The following NARS2 variants were observed in gnomAD, a reference collection of about 807,000 sequenced individuals.
NARS2 encodes the protein asparaginyl-tRNA synthetase.
In NARS2, 60 loss-of-function variants were observed where a neutral mutation model predicts 62.9. The ratio of observed to expected loss-of-function variants is 0.95; its 90% CI spans 0.77 to 1.18. The LOEUF is 1.18. Among genes scored for constraint, NARS2 ranks in the 50% most tolerant of loss-of-function variants. The probability of loss-of-function intolerance (pLI) is 0.00; values close to 1 mark genes in which losing one functional copy is unlikely to be tolerated. For synonymous variants in NARS2, 196 were observed against 200.0 expected, an observed-to-expected ratio of 0.98 and a Z score of 0.17; for missense variants, 619 against 576.4, an observed-to-expected ratio of 1.07 and a Z score of -0.76.
intron 7 of NARS2, among the ~76,000 whole-genome samples, chr11:78,491,783 C>T (rs1859829512): frequency 6.6e-6 from 1 of 152,092 alleles, no homozygotes; most frequent in African/African-American, 2.4e-5. Context: ...CACATCTCTG[C>T]CTTAGAGAGT....
At chr11:78,496,861 T>C (rs923576968) in intron 6 of NARS2, among the ~76,000 whole-genome samples, 6 of 152,206 alleles carry the variant, frequency 3.9e-5, no homozygotes, top group African/African-American at 1.4e-4. Context: ...TGCAATAATT[T>C]TGTCTCTAGC....
At chr11:78,512,805 T>C (rs529703688) in intron 6 of NARS2, among the ~76,000 whole-genome samples, 2 of 152,212 alleles carry the variant, frequency 1.3e-5, no homozygotes, top group Non-Finnish European at 2.9e-5. Context: ...TTTTTGTGAA[T>C]ACATATTTAT....
At chr11:78,535,940 T>C (rs1855319216) in intron 5 of NARS2, among the ~76,000 whole-genome samples, 1 of 152,228 alleles carries the variant, frequency 6.6e-6, no homozygotes, top group Admixed American at 6.5e-5. Flanking sequence ...CTTGGTTATT[T>C]TGCATCTCAG....
intron 5 of NARS2, among the ~76,000 whole-genome samples, chr11:78,539,555 A>G (rs1855529099): frequency 2.6e-5 from 4 of 152,242 alleles, no homozygotes; most frequent in Admixed American, 2.6e-4. Context: ...TGCTTCTACA[A>G]ATCTGGAGCT....
chr11:78,572,017 AC>A (rs1435729466), intron 1 of NARS2, among the ~76,000 whole-genome samples: 1 of 151,846 alleles, frequency 6.6e-6, no homozygotes, highest in Non-Finnish European at 1.5e-5. Flanking sequence ...CCCTGTCTCT[AC>A]CGAAAATACA....
At chr11:78,451,143 A>C (rs578131472) in intron 11 of NARS2, among the ~76,000 whole-genome samples, 2 of 152,254 alleles carry the variant, frequency 1.3e-5, no homozygotes, top group East Asian at 3.8e-4. Flanking sequence ...AAGTTATAAT[A>C]CAGCAGAGTA....
chr11:78,483,770 T>C (rs1005466845), intron 7 of NARS2, among the ~76,000 whole-genome samples: 1 of 152,200 alleles, frequency 6.6e-6, no homozygotes, highest in African/African-American at 2.4e-5. Flanking sequence ...AAAAATTCCA[T>C]GCTCATGGAC....
chr11:78,518,338 A>T (rs1273571381), intron 6 of NARS2, among the ~76,000 whole-genome samples: 1 of 152,180 alleles, frequency 6.6e-6, no homozygotes, highest in Admixed American at 6.5e-5. Flanking sequence ...GAACTGTATA[A>T]ACCAGTAGAG....
At chr11:78,546,266 T>G (rs1267283029) in intron 5 of NARS2, among the ~76,000 whole-genome samples, 1 of 152,196 alleles carries the variant, frequency 6.6e-6, no homozygotes, top group Admixed American at 6.5e-5. Flanking sequence ...CACAAATAGT[T>G]TGAGGTCTCA....
chr11:78,469,259 G>A lies in NARS2; in HGVS notation c.1014C>T (p.Thr338=), dbSNP rs1281984482. 1 of 1,610,854 alleles carries A rather than the reference G, an allele frequency of 6.2e-7. No homozygotes were observed. Among genetic ancestry groups the A allele is most frequent in the Admixed American group, 1.7e-5 (1 of 60,014 alleles). Residue 338 remains threonine, a synonymous_variant, in exon 10 of 14, where the codon ACC becomes ACT. Coordinates refer to ENST00000281038, the MANE Select transcript of NARS2 (RefSeq NM_024678.6). ...EILKQASQNF[T]FTPEWGADLR... is the part of the protein sequence containing the mutation. ...CACAAAATACTACCTCTGGGGTAAA[G>A]GTGAAGTTCTGGGATGCTTGCTTTA...
chr11:78,455,943 C>T (rs1021587610), intron 11 of NARS2, among the ~76,000 whole-genome samples: 1 of 151,860 alleles, frequency 6.6e-6, no homozygotes, highest in African/African-American at 2.4e-5. Context: ...CACACGGGTA[C>T]TCAATAATAG....
At chr11:78,562,986 C>T (rs1047645924) in intron 4 of NARS2, among the ~76,000 whole-genome samples, 11 of 152,088 alleles carry the variant, frequency 7.2e-5, no homozygotes, top group Non-Finnish European at 7.4e-5. Flanking sequence ...TAACATATAA[C>T]TATTACTTAA....
intron 6 of NARS2, among the ~76,000 whole-genome samples, chr11:78,514,688 C>T (rs1860840161): frequency 6.6e-6 from 1 of 152,084 alleles, no homozygotes; most frequent in Non-Finnish European, 1.5e-5. Context: ...GTCCCATACA[C>T]TTGAAATGGA....
intron 5 of NARS2, among the ~76,000 whole-genome samples, chr11:78,552,476 T>C (rs943962577): frequency 6.6e-6 from 1 of 152,086 alleles, no homozygotes; most frequent in Non-Finnish European, 1.5e-5. Context: ...GTCTTTATGG[T>C]GTGAAAGGAA....
intron 7 of NARS2, among the ~76,000 whole-genome samples, chr11:78,488,723 CTGT>C (rs1859684299): frequency 6.6e-6 from 1 of 152,178 alleles, no homozygotes; most frequent in South Asian, 2.1e-4. Context: ...AGTAGTAAGA[CTGT>C]TGTTTTACTT....
At chr11:78,449,271 G>T (rs962523428) in intron 11 of NARS2, among the ~76,000 whole-genome samples, 1 of 151,624 alleles carries the variant, frequency 6.6e-6, no homozygotes, top group African/African-American at 2.4e-5. Flanking sequence ...GAGTAGCTGG[G>T]ACTACAGGCA....
chr11:78,533,465 A>G (rs190817727), intron 5 of NARS2, among the ~76,000 whole-genome samples: 197 of 152,286 alleles, frequency 1.3e-3, no homozygotes, highest in African/African-American at 4.6e-3. Flanking sequence ...TTTCTCTTTG[A>G]AAAGAGGAAG....
chr11:78,457,801 CACACACACACACACACACACACACACAA>C (rs1858223000), intron 11 of NARS2, among the ~76,000 whole-genome samples: 1 of 69,016 alleles, frequency 1.4e-5, no homozygotes, highest in African/African-American at 2.2e-4. Flanking sequence ...TGTAACAACA[CACACACACACACACACACACACACACAA>C]ACACACACAC....
chr11:78,515,684 AT>A (rs1860880623), intron 6 of NARS2, among the ~76,000 whole-genome samples: 1 of 150,950 alleles, frequency 6.6e-6, no homozygotes, highest in Non-Finnish European at 1.5e-5. Flanking sequence ...TGCCTGGCTG[AT>A]TAAAAAAAAA....
Sources: gnomAD v4.1 joint callset for allele counts (sites outside exome capture counted in the v4.1 genomes callset) on GRCh38, gnomAD v4.1.1 for gene constraint, MANE v1.5 for transcripts, NCBI Gene and HGNC (gene_info 2026-07-23, HGNC 2026-07-21) for gene names.